TNKS: variants seen among roughly 807,000 people sequenced by gnomAD.
The protein encoded by TNKS is poly [ADP-ribose] polymerase tankyrase-1.
Under a neutral mutation model 135.8 loss-of-function variants are expected in TNKS, and 72 were observed. That is an observed-to-expected ratio of 0.53 (90% CI 0.44 to 0.64). The LOEUF (loss-of-function observed/expected upper bound fraction) is 0.64, where lower values mean the gene tolerates loss of function less well. Ranked by LOEUF, TNKS falls within the 30% of genes least tolerant of loss-of-function variation. The pLI, the probability that TNKS is intolerant of heterozygous loss-of-function variation, is 0.00. For missense variants in TNKS, 1,769 were observed against 1,674.0 expected, an observed-to-expected ratio of 1.06 and a Z score of -0.99; for synonymous variants, 849 against 649.3, an observed-to-expected ratio of 1.31 and a Z score of -4.68.
chr8:9,671,725 A>T (rs772786863), intron 3 of TNKS, among the ~76,000 whole-genome samples: 2 of 152,344 alleles, frequency 1.3e-5, no homozygotes, highest in South Asian at 2.1e-4. Context: ...ACCATCTGAA[A>T]AGGTGAATTT....
Position 9,638,200 on chromosome 8 carries a change from C to G in TNKS, c.994+22523C>G, listed in dbSNP as rs1193797722. 4.6e-5 allele frequency among the ~76,000 whole-genome samples: 7 copies of G among 152,314 alleles called. No homozygotes were observed. In the South Asian group the frequency reaches 1.5e-3, roughly 32 times the overall value. On this transcript the variant is annotated intron_variant, in intron 3 of 26. Transcript: ENST00000310430. ...ATGTTGCTTAAGCTAGTCTCAAACT[C>G]CTGGCTTTAAGAGATCCTATCACCG...
At position 9,710,007 on chromosome 8, in the gene TNKS, T is replaced by A; in HGVS notation, c.1631T>A (p.Leu544Ter). 1 of 1,614,126 alleles carries A rather than the reference T, an allele frequency of 6.2e-7. No homozygotes were observed. The highest frequency in any genetic ancestry group is 8.5e-7 in the Non-Finnish European group (1 of 1,180,008). ...HPKRKQVTEL[L>*]LRKGANVNEK... ...AAACGTAAACAAGTGACAGAATTGT[T>A]ACTTAGAAAAGGAGCAAATGTTAAT... is the stretch of plus-strand genomic sequence containing the variant. The change falls in exon 10 of 27, where the codon TTA (leucine) becomes TAA (stop). Residue 544 changes from leucine (L) to a stop codon, truncating the protein, a stop_gained. Transcript: ENST00000310430. LOFTEE classifies it high-confidence loss of function.
rs147259455 is a variant in TNKS at position 9,735,025 on chromosome 8, C to T, written c.2474C>T (p.Pro825Leu). 8.7e-6 allele frequency: 14 copies of T among 1,614,146 alleles called. No homozygotes were observed. The African/African-American group carries it at 1.1e-4, about 12-fold the overall frequency. ...CLARVQKLCT[P>L]ENINCRDTQG... ...GCAAGAGTGCAGAAGCTCTGTACCC[C>T]AGAGAATATCAACTGCAGAGACACC... Residue 825 changes from proline to leucine, a missense_variant, in exon 16 of 27, where the codon CCA becomes CTA. Pro to Leu is a moderately conservative substitution (Grantham distance 98). This residue lies in a region of TNKS where 722 missense variants were observed against 688.9 expected (regional missense o/e 1.05). Coordinates refer to ENST00000310430, the MANE Select transcript of TNKS (RefSeq NM_003747.3).
At chr8:9,773,433 T>TGTAA (rs2128843774) in intron 26 of TNKS, among the ~76,000 whole-genome samples, 1 of 152,308 alleles carries the variant, frequency 6.6e-6, no homozygotes, top group South Asian at 2.1e-4. Context: ...TTAAATATAC[T>TGTAA]GTAAGTTATC....
At chr8:9,610,272 G>T in intron 2 of TNKS, among the ~76,000 whole-genome samples, 1 of 149,778 alleles carries the variant, frequency 6.7e-6, no homozygotes, top group East Asian at 2.0e-4. Context: ...TGGATGAAAA[G>T]ATAAAAGAGT....
At chr8:9,729,120 C>G (rs778603813) in intron 13 of TNKS, among the ~76,000 whole-genome samples, 3 of 152,148 alleles carry the variant, frequency 2.0e-5, no homozygotes, top group African/African-American at 7.2e-5. Flanking sequence ...ATGCTGTATC[C>G]TCACTTGGCA....
At chr8:9,695,372 TTTAA>T (rs1267238930) in intron 5 of TNKS, among the ~76,000 whole-genome samples, 1 of 152,242 alleles carries the variant, frequency 6.6e-6, no homozygotes, top group Non-Finnish European at 1.5e-5. Flanking sequence ...CAGAAGTTAC[TTTAA>T]TTCTCAGTGG....
Position 9,779,192 on chromosome 8 carries a change from G to A in TNKS, c.*2456G>A, listed in dbSNP as rs192388392. On this transcript the variant is annotated 3_prime_UTR_variant, in exon 27 of 27. Transcript: ENST00000310430. ...AGAGGAGCCAAATACATTTTTTTCA[G>A]AACTTGAAAACCAAAGGTCATCATG... 6.6e-6 allele frequency: 1 copy of A among 152,502 alleles called. No homozygotes were observed. Among genetic ancestry groups the A allele is most frequent in the Non-Finnish European group, 1.5e-5 (1 of 68,014 alleles). The allele number at this position is 152,502 out of a possible 1,614,324, so 9.4% of individuals were successfully genotyped here.
chr8:9,736,644 T>C (rs1805720503), intron 17 of TNKS, among the ~76,000 whole-genome samples: 1 of 121,470 alleles, frequency 8.2e-6, no homozygotes, highest in African/African-American at 3.2e-5. Flanking sequence ...CCCAGCACCA[T>C]TTATTAAATA....
At chr8:9,577,794 T>G (rs980747001) in intron 1 of TNKS, among the ~76,000 whole-genome samples, 4 of 152,148 alleles carry the variant, frequency 2.6e-5, no homozygotes, top group African/African-American at 9.7e-5. Context: ...AATCATGCCT[T>G]CCCGATAGTC....
intron 14 of TNKS, among the ~76,000 whole-genome samples, chr8:9,732,658 T>C (rs1191888851): frequency 6.6e-6 from 1 of 152,152 alleles, no homozygotes; most frequent in Non-Finnish European, 1.5e-5. Flanking sequence ...TTTGATGTAC[T>C]CTTTTGTGGG....
intron 2 of TNKS, among the ~76,000 whole-genome samples, chr8:9,602,781 C>G (rs1006875997): frequency 1.3e-5 from 2 of 152,170 alleles, no homozygotes; most frequent in Non-Finnish European, 2.9e-5. Flanking sequence ...TTTCATTTAA[C>G]TCAATGTATC....
At chr8:9,703,048 T>G (rs1241926168) in intron 5 of TNKS, among the ~76,000 whole-genome samples, 4 of 152,012 alleles carry the variant, frequency 2.6e-5, no homozygotes, top group Admixed American at 2.0e-4. Flanking sequence ...AACAAAAATG[T>G]GTTTCTGTAT....
intron 5 of TNKS, among the ~76,000 whole-genome samples, chr8:9,685,513 C>G (rs1563166451): frequency 6.6e-6 from 1 of 152,138 alleles, no homozygotes; most frequent in Non-Finnish European, 1.5e-5. Flanking sequence ...AGAATGGACA[C>G]TTACATACTT....
chr8:9,710,426 T>C (rs1379146899), intron 11 of TNKS: 3 of 600,342 alleles, frequency 5.0e-6, no homozygotes, highest in Non-Finnish European at 8.9e-6. Context: ...GATCCTTTAA[T>C]GTCACCCTTC....
intron 3 of TNKS, among the ~76,000 whole-genome samples, chr8:9,629,706 G>A (rs1800209159): frequency 6.6e-6 from 1 of 152,020 alleles, no homozygotes; most frequent in Admixed American, 6.5e-5. Context: ...TTTTTGAGAC[G>A]AAGTCTCGCT....
chr8:9,695,614 A>G (rs1182137583), intron 5 of TNKS, among the ~76,000 whole-genome samples: 2 of 152,332 alleles, frequency 1.3e-5, no homozygotes, highest in Non-Finnish European at 2.9e-5. Context: ...AGGTTTTAAC[A>G]GGATTACTCT....
chr8:9,656,735 G>T (rs901853295), intron 3 of TNKS, among the ~76,000 whole-genome samples: 1 of 150,990 alleles, frequency 6.6e-6, no homozygotes, highest in Admixed American at 6.6e-5. Context: ...GTGAACAAAG[G>T]TCTCTGGTTT....
intron 5 of TNKS, among the ~76,000 whole-genome samples, chr8:9,695,234 G>A (rs1258152896): frequency 6.6e-6 from 1 of 152,138 alleles, no homozygotes; most frequent in Non-Finnish European, 1.5e-5. Flanking sequence ...GCTACATTAT[G>A]AATCCATAAG....
Sources: gnomAD v4.1 joint callset for allele counts (sites outside exome capture counted in the v4.1 genomes callset) on GRCh38, gnomAD v4.1.1 for gene constraint, gnomAD v4.1.1 regional missense constraint, MANE v1.5 for transcripts, NCBI Gene and HGNC (gene_info 2026-07-23, HGNC 2026-07-21) for gene names.